Variants in DMD observed in about 807,000 individuals in gnomAD.
The protein encoded by DMD is mutant dystrophin.
Under a neutral mutation model 330.1 loss-of-function variants are expected in DMD, and 63 were observed. The ratio of observed to expected loss-of-function variants is 0.19; its 90% confidence interval spans 0.16 to 0.24. The LOEUF is 0.24. DMD is among the 10% of genes least tolerant of loss of function. DMD has a pLI of 1.00. For synonymous variants in DMD, 1,223 were observed against 959.8 expected, an observed-to-expected ratio of 1.27 and a Z score of -5.07; for missense variants, 3,344 against 2,684.1, an observed-to-expected ratio of 1.25 and a Z score of -5.43.
At chrX:33,248,809 T>G (rs2052715127) in intron 1 of DMD, among the ~76,000 whole-genome samples, 1 of 112,570 alleles carries the variant, frequency 8.9e-6, no homozygotes, top group Non-Finnish European at 1.9e-5. Context: ...AACGATTTGC[T>G]GAAACAACCC....
At chrX:32,324,677 T>G (rs965044616) in intron 41 of DMD, among the ~76,000 whole-genome samples, 1 of 111,600 alleles carries the variant, frequency 9.0e-6, no homozygotes, top group South Asian at 3.7e-4. Context: ...AAGGAGAACA[T>G]GATAAAATCA....
At chrX:33,176,808 C>A (rs991120404) in intron 1 of DMD, among the ~76,000 whole-genome samples, 1 of 110,746 alleles carries the variant, frequency 9.0e-6, no homozygotes, top group African/African-American at 3.3e-5. Flanking sequence ...TGGTGGCGCT[C>A]CACTTGTAAT....
intron 44 of DMD, among the ~76,000 whole-genome samples, chrX:32,027,183 C>CACAGAGAG (rs774715155): frequency 1.0e-5 from 1 of 97,502 alleles, no homozygotes; most frequent in African/African-American, 3.9e-5. Context: ...CACACACACA[C>CACAGAGAG]AGAGAGAGAG....
At chrX:31,778,759 C>CG (rs1289420611) in intron 50 of DMD, among the ~76,000 whole-genome samples, 1 of 109,476 alleles carries the variant, frequency 9.1e-6, no homozygotes, top group East Asian at 2.9e-4. Flanking sequence ...TTAGTGGAGA[C>CG]GGGGTTTCAC....
At chrX:33,055,461 G>T (rs754835546) in intron 1 of DMD, among the ~76,000 whole-genome samples, 1 of 112,093 alleles carries the variant, frequency 8.9e-6, no homozygotes, top group East Asian at 2.8e-4. Flanking sequence ...TGTCCTATTT[G>T]TTACTACAGG....
rs749412113 is a variant in DMD at position 31,507,266 on chromosome X, C to T, written c.8390+15G>A. On this transcript the variant is annotated intron_variant, in intron 56 of 78. Transcript: ENST00000357033. Reference sequence around the variant, plus strand: ...TAATTCATTTGTGGCCTTTTTGCTCCACATCTTTTCCTACCTAATGTTGAG... The same window carrying T: ...TAATTCATTTGTGGCCTTTTTGCTCTACATCTTTTCCTACCTAATGTTGAG... 8.3e-7 allele frequency: 1 copy of T among 1,210,659 alleles called. No individual in the cohort carries two copies. The highest frequency in any genetic ancestry group is 1.8e-5 in the South Asian group (1 of 56,923).
intron 37 of DMD, among the ~76,000 whole-genome samples, chrX:32,353,816 G>A (rs2097789842): frequency 1.8e-5 from 2 of 110,945 alleles, no homozygotes; most frequent in Admixed American, 1.9e-4. Context: ...CAGAGAAACC[G>A]AGAAAGACAA....
intron 44 of DMD, among the ~76,000 whole-genome samples, chrX:32,090,901 C>T (rs1264460756): frequency 9.0e-6 from 1 of 111,340 alleles, no homozygotes; most frequent in African/African-American, 3.3e-5. Context: ...TCTCTGAAAG[C>T]TCTGCTCATG....
rs745406001 is a variant in DMD, at chrX:31,138,686, A to AGAGAGGGAGAGAGAGGGAGAGAGAGTGT, written c.10922-4493_10922-4492insACACTCTCTCTCCCTCTCTCTCCCTCTC. 6.9e-5 allele frequency among the ~76,000 whole-genome samples: 6 copies of AGAGAGGGAGAGAGAGGGAGAGAGAGTGT among 87,472 alleles called. No homozygotes were observed. In the South Asian group the frequency reaches 1.9e-3, roughly 27 times the overall value. 76.0% of individuals were successfully genotyped at this position (87,472 alleles called of 115,157 possible). On this transcript the variant is annotated intron_variant, in intron 76 of 78. Coordinates refer to ENST00000357033, the MANE Select transcript of DMD (RefSeq NM_004006.3). ...GAGAGAGAGAGAGAGAGAGAGAGAG[A>AGAGAGGGAGAGAGAGGGAGAGAGAGTGT]GAAGGGGGAAGTGCCACACACTTTA... is the stretch of plus-strand genomic sequence containing the variant.
rs763384787 is a variant in DMD, at chrX:32,684,014, T to C, written c.960+13856A>G. On this transcript the variant is annotated intron_variant, in intron 9 of 78. Transcript: ENST00000357033. ...CATACAAAACACACACACACACACA[T>C]ACATACACACACACACACACACACA... is the stretch of plus-strand genomic sequence containing the variant. 3.1e-3 allele frequency among the ~76,000 whole-genome samples: 198 copies of C among 64,589 alleles called. 1 individual carries two copies. Among genetic ancestry groups the C allele is most frequent in the African/African-American group, 0.029 (170 of 5,958 alleles). The allele number at this position is 64,589 out of a possible 115,157, so 56.1% of individuals were successfully genotyped here. A position where few individuals can be genotyped will look rare whatever the true frequency, so the allele number is the denominator to read the frequency against.
chrX:32,422,287 A>T (rs7065493), intron 29 of DMD, among the ~76,000 whole-genome samples: 16,165 of 110,916 alleles, frequency 0.15, 984 homozygotes, highest in African/African-American at 0.2. Context: ...GAACTTTTCC[A>T]AATACAGTTC....
At chrX:33,273,354 T>C (rs2053189877) in intron 1 of DMD, among the ~76,000 whole-genome samples, 1 of 112,682 alleles carries the variant, frequency 8.9e-6, no homozygotes, top group East Asian at 2.8e-4. Flanking sequence ...TCAAGAATAG[T>C]AATCAGTCAG....
intron 9 of DMD, among the ~76,000 whole-genome samples, chrX:32,682,498 A>T (rs975322929): frequency 5.4e-5 from 6 of 111,825 alleles, no homozygotes; most frequent in African/African-American, 1.9e-4. Context: ...TCTATTAGCG[A>T]GTATTCAAAT....
intron 55 of DMD, among the ~76,000 whole-genome samples, chrX:31,614,745 A>C (rs2078106779): frequency 8.9e-6 from 1 of 112,102 alleles, no homozygotes; most frequent in Non-Finnish European, 1.9e-5. Context: ...TTAAAGATTG[A>C]TGCTGTTAAA....
chrX:32,731,598 C>G (rs2067661404), intron 7 of DMD, among the ~76,000 whole-genome samples: 1 of 112,241 alleles, frequency 8.9e-6, no homozygotes, highest in Non-Finnish European at 1.9e-5. Context: ...AAGTGGGTGC[C>G]TGACCCCTGA....
intron 2 of DMD, among the ~76,000 whole-genome samples, chrX:32,998,918 C>A (rs781020580): frequency 8.9e-6 from 1 of 111,910 alleles, no homozygotes; most frequent in Non-Finnish European, 1.9e-5. Context: ...TGGGCAAAGT[C>A]TCTTCCAAAA....
chrX:31,932,315 A>C, intron 45 of DMD, 88 bp from the exon 46 acceptor site: 1 of 700,667 alleles, frequency 1.4e-6, no homozygotes, highest in Non-Finnish European at 2.2e-6. Flanking sequence ...CAAACATGGC[A>C]ATTTAAAAAT....
At chrX:31,462,786 C>T (rs1279586990) in intron 59 of DMD, among the ~76,000 whole-genome samples, 1 of 112,191 alleles carries the variant, frequency 8.9e-6, no homozygotes, top group African/African-American at 3.2e-5. Context: ...AAATTAAGAG[C>T]TGCTAGTCAT....
chrX:32,067,260 G>C (rs1410444121), intron 44 of DMD, among the ~76,000 whole-genome samples: 1 of 111,494 alleles, frequency 9.0e-6, no homozygotes, highest in African/African-American at 3.2e-5. Flanking sequence ...GACATGACTT[G>C]ATACAAAGAA....
Sources: gnomAD v4.1 joint callset for allele counts (sites outside exome capture counted in the v4.1 genomes callset) on GRCh38, gnomAD v4.1.1 for gene constraint, MANE v1.5 for transcripts, NCBI Gene and HGNC (gene_info 2026-07-23, HGNC 2026-07-21) for gene names.